The following PEAK1 variants were observed in gnomAD, a reference collection of about 807,000 sequenced individuals.
The protein encoded by PEAK1 is pseudopodium enriched atypical kinase 1, also known as inactive tyrosine-protein kinase PEAK1.
In PEAK1, 54 loss-of-function variants were observed where a neutral mutation model predicts 124.7. That is an observed-to-expected ratio of 0.43 (90% CI 0.35 to 0.54). The LOEUF is 0.54. Ranked by LOEUF, PEAK1 falls within the 20% of genes least tolerant of loss-of-function variation. The pLI is 0.01. For synonymous variants in PEAK1, 719 were observed against 760.0 expected (o/e 0.95, Z 0.89); for missense variants, 2,046 against 2,134.5 (o/e 0.96, Z 0.82).
chr15:77,246,690 T>C (rs1036523406), intron 6 of PEAK1, among the ~76,000 whole-genome samples: 24 of 152,136 alleles, frequency 1.6e-4, no homozygotes, highest in African/African-American at 4.8e-4. Context: ...ATAAATGCTA[T>C]TGTAAATTTT....
chr15:77,288,063 T>C (rs1466227197), intron 2 of PEAK1, among the ~76,000 whole-genome samples: 2 of 152,220 alleles, frequency 1.3e-5, no homozygotes, highest in African/African-American at 4.8e-5. Flanking sequence ...TACATACTTC[T>C]GCCAACATGA....
chr15:77,363,474 C>T (rs1003725018), intron 2 of PEAK1, among the ~76,000 whole-genome samples: 2 of 152,130 alleles, frequency 1.3e-5, no homozygotes, highest in African/African-American at 4.8e-5. Flanking sequence ...TCCTCCACTC[C>T]TAGCCTTTGC....
At position 77,133,361 on chromosome 15, in the gene PEAK1, G is replaced by C; in HGVS notation, c.3721C>G (p.Leu1241Val). Residue 1241 changes from leucine (L) to valine (V), a missense_variant, in exon 9 of 10, where the codon CTC (leucine) becomes GTC (valine). Transcript: ENST00000682557. The surrounding 1 kb of genome is among the most constrained non-coding windows in gnomAD (Gnocchi z 4.2). ...AANSISSLTT[L>V]SIKDRFSNSM... ...TTGGAAAATCTATCCTTAATACTGA[G>C]AGTGGTTAAGCTGGAAATGCTGTTT... 1 of 1,614,248 alleles carries C rather than the reference G, an allele frequency of 6.2e-7. No individual in the cohort carries two copies. Among genetic ancestry groups the C allele is most frequent in the Non-Finnish European group, 8.5e-7 (1 of 1,180,046 alleles).
intron 1 of PEAK1, among the ~76,000 whole-genome samples, chr15:77,368,598 T>A (rs2141655350): frequency 6.6e-6 from 1 of 151,140 alleles, no homozygotes; most frequent in South Asian, 2.1e-4. Context: ...TAGAAAAATA[T>A]AAATGAAACA....
chr15:77,183,163 A>G (rs1007793481), intron 6 of PEAK1, among the ~76,000 whole-genome samples: 1 of 152,248 alleles, frequency 6.6e-6, no homozygotes, highest in Admixed American at 6.5e-5. Flanking sequence ...GTTCTGCAAC[A>G]AGTGAAAATT....
At chr15:77,420,289 C>A (rs535183778), upstream of PEAK1, 61 of 151,482 alleles carry the variant, frequency 4.0e-4, no homozygotes, top group African/African-American at 1.4e-3. Flanking sequence ...GGGCCCCGGT[C>A]GTCTCCCAGG....
intron 5 of PEAK1, among the ~76,000 whole-genome samples, chr15:77,274,694 G>A (rs2062218345): frequency 6.6e-6 from 1 of 151,838 alleles, no homozygotes; most frequent in South Asian, 2.1e-4. Flanking sequence ...ATGAAAAAAG[G>A]AACACTTTTA....
At chr15:77,386,002 G>C (rs1468520198) in intron 1 of PEAK1, among the ~76,000 whole-genome samples, 1 of 152,138 alleles carries the variant, frequency 6.6e-6, no homozygotes. Context: ...GTCTCTTCAT[G>C]AAGATAAAAA....
At chr15:77,247,017 C>CA (rs2060621326) in intron 6 of PEAK1, among the ~76,000 whole-genome samples, 1 of 151,880 alleles carries the variant, frequency 6.6e-6, no homozygotes, top group South Asian at 2.1e-4. Context: ...GACTCCGTCT[C>CA]AAAAAAATAT....
At chr15:77,321,507 G>GT (rs34577935) in intron 2 of PEAK1, among the ~76,000 whole-genome samples, 1 of 152,114 alleles carries the variant, frequency 6.6e-6, no homozygotes, top group Non-Finnish European at 1.5e-5. Flanking sequence ...TGATGGAGAT[G>GT]TTTTTTTCCT....
intron 6 of PEAK1, among the ~76,000 whole-genome samples, chr15:77,202,433 A>T (rs1186022966): frequency 6.6e-6 from 1 of 152,110 alleles, no homozygotes; most frequent in Non-Finnish European, 1.5e-5. Context: ...TATTTTTACA[A>T]AAAAGTAAAC....
At chr15:77,135,774 G>A (rs1055915062) in intron 8 of PEAK1, among the ~76,000 whole-genome samples, 1 of 152,274 alleles carries the variant, frequency 6.6e-6, no homozygotes, top group African/African-American at 2.4e-5. Context: ...ATCCACATAC[G>A]ATGTGACTTG....
intron 6 of PEAK1, among the ~76,000 whole-genome samples, chr15:77,187,766 A>ATCCTCACTCT (rs1422730665): frequency 1.3e-5 from 2 of 152,192 alleles, no homozygotes; most frequent in African/African-American, 4.8e-5. Context: ...GCTTTTAAGG[A>ATCCTCACTCT]CACTCTCAGT....
intron 8 of PEAK1, among the ~76,000 whole-genome samples, chr15:77,153,907 A>G (rs1291014137): frequency 6.6e-6 from 1 of 152,116 alleles, no homozygotes; most frequent in Non-Finnish European, 1.5e-5. Context: ...ACTTCCAACT[A>G]TGTGGTCAGT....
chr15:77,325,312 A>G (rs1269029658), intron 2 of PEAK1, among the ~76,000 whole-genome samples: 2 of 152,064 alleles, frequency 1.3e-5, no homozygotes, highest in Non-Finnish European at 2.9e-5. Context: ...CAGGAGGCTG[A>G]GGTGGGAGGA....
At chr15:77,227,465 T>C (rs2059729851) in intron 6 of PEAK1, among the ~76,000 whole-genome samples, 1 of 152,104 alleles carries the variant, frequency 6.6e-6, no homozygotes, top group South Asian at 2.1e-4. Context: ...TGCTCTAATA[T>C]ATTAATATAG....
intron 7 of PEAK1, among the ~76,000 whole-genome samples, chr15:77,165,281 G>T (rs1034461985): frequency 2.0e-5 from 3 of 150,310 alleles, no homozygotes; most frequent in Non-Finnish European, 4.4e-5. Flanking sequence ...TGCAACCTCT[G>T]CCTCCCGGGT....
intron 2 of PEAK1, among the ~76,000 whole-genome samples, chr15:77,340,607 A>G (rs2141325323): frequency 6.6e-6 from 1 of 152,330 alleles, no homozygotes; most frequent in Non-Finnish European, 1.5e-5. Flanking sequence ...TATACAATAT[A>G]AAGAGTGAAC....
At chr15:77,255,099 T>C (rs2061064915) in intron 5 of PEAK1, among the ~76,000 whole-genome samples, 1 of 152,156 alleles carries the variant, frequency 6.6e-6, no homozygotes, top group South Asian at 2.1e-4. Context: ...AGGGCACACA[T>C]GTATTAAGAT....
Sources: gnomAD v4.1 joint callset for allele counts (sites outside exome capture counted in the v4.1 genomes callset) on GRCh38, gnomAD v4.1.1 for gene constraint, Gnocchi (gnomAD v3.1) non-coding constraint, MANE v1.5 for transcripts, NCBI Gene and HGNC (gene_info 2026-07-23, HGNC 2026-07-21) for gene names.